FYN: variants seen among roughly 807,000 people sequenced by gnomAD.
The protein encoded by FYN is FYN proto-oncogene, Src family tyrosine kinase.
Under a neutral mutation model 70.2 loss-of-function variants are expected in FYN, and 10 were observed. The ratio of observed to expected loss-of-function variants is 0.14; its 90% CI spans 0.09 to 0.24. The LOEUF (loss-of-function observed/expected upper bound fraction) is 0.24. FYN is among the 10% of genes least tolerant of loss of function. FYN has a pLI of 1.00. For missense variants in FYN, 319 were observed against 673.1 expected, an observed-to-expected ratio of 0.47 and a Z score of 5.82; for synonymous variants, 236 against 248.6, an observed-to-expected ratio of 0.95 and a Z score of 0.48.
intron 4 of FYN, among the ~76,000 whole-genome samples, chr6:111,716,880 G>A (rs968621765): frequency 6.6e-6 from 1 of 151,654 alleles, no homozygotes; most frequent in African/African-American, 2.4e-5. Context: ...CGCCTCCCGG[G>A]TTCAAGTGAT....
chr6:111,745,404 C>T (rs1802162517), intron 3 of FYN, among the ~76,000 whole-genome samples: 2 of 152,154 alleles, frequency 1.3e-5, no homozygotes, highest in African/African-American at 4.8e-5. Flanking sequence ...GGATGGGCAT[C>T]TGAGTGGGGC....
At chr6:111,806,979 T>C (rs898666754) in intron 2 of FYN, among the ~76,000 whole-genome samples, 2 of 152,150 alleles carry the variant, frequency 1.3e-5, no homozygotes, top group African/African-American at 4.8e-5. Flanking sequence ...CCAGCGCTGA[T>C]TGTCCTCCAC....
intron 3 of FYN, among the ~76,000 whole-genome samples, chr6:111,771,329 C>T (rs1269767694): frequency 6.6e-6 from 1 of 152,140 alleles, no homozygotes; most frequent in African/African-American, 2.4e-5. Flanking sequence ...TTCAAAACAG[C>T]AAAATCCTAC....
At chr6:111,814,818 C>G (rs1284428489) in intron 2 of FYN, among the ~76,000 whole-genome samples, 1 of 152,130 alleles carries the variant, frequency 6.6e-6, no homozygotes, top group Non-Finnish European at 1.5e-5. Context: ...AAGTTCTACT[C>G]TATATGGGGC....
rs532254697 is a variant in FYN at position 111,746,036 on chromosome 6, T to C, written c.-11-25974A>G. Among the ~76,000 whole-genome samples the C allele has an allele frequency of 1.7e-4, 26 of 152,342 alleles. 1 individual carries two copies. In the South Asian group the frequency reaches 4.8e-3, roughly 28 times the overall value. On this transcript the variant is annotated intron_variant, in intron 3 of 13. Transcript: ENST00000354650. ...AGAGTCTGAAAGGAACCCACGTACC[T>C]GGTACAAAAAGATGGTGATAGTGAT...
chr6:111,746,549 A>G (rs1802229416), intron 3 of FYN, among the ~76,000 whole-genome samples: 1 of 152,212 alleles, frequency 6.6e-6, no homozygotes, highest in South Asian at 2.1e-4. Context: ...CCATTATAGT[A>G]GCTTTTATTG....
rs1300594936 is a variant in FYN at position 111,872,977 on chromosome 6, G to A, written c.-132C>T. ...CCCGCCGCCTGCTTACCTGCGCGGC[G>A]CTGAGGCTCCGGAGCCCACTCACAT... is the stretch of plus-strand genomic sequence containing the variant. On this transcript the variant is annotated 5_prime_UTR_variant, in exon 1 of 14. Transcript: ENST00000354650. The A allele has an allele frequency of 3.3e-5, 5 of 149,570 alleles. No individual in the cohort carries two copies. The highest frequency in any genetic ancestry group is 2.0e-4 in the Admixed American group (3 of 15,080). 9.3% of individuals were successfully genotyped at this position (149,570 alleles called of 1,614,324 possible).
At chr6:111,861,591 C>T (rs1446712810) in intron 1 of FYN, among the ~76,000 whole-genome samples, 1 of 152,178 alleles carries the variant, frequency 6.6e-6, no homozygotes, top group African/African-American at 2.4e-5. Context: ...AGTTGGCCTA[C>T]ATCCACAGAA....
intron 6 of FYN, among the ~76,000 whole-genome samples, chr6:111,707,633 T>G (rs182321742): frequency 6.1e-4 from 93 of 152,326 alleles, no homozygotes; most frequent in South Asian, 1.4e-3. Context: ...TAGCTAGCAT[T>G]TCATATTTTT....
intron 3 of FYN, among the ~76,000 whole-genome samples, chr6:111,763,604 T>G (rs1245660481): frequency 6.6e-6 from 1 of 152,224 alleles, no homozygotes; most frequent in East Asian, 1.9e-4. Flanking sequence ...TTTCATAATT[T>G]TACACTGAAT....
chr6:111,766,288 T>C (rs1018087392), intron 3 of FYN, among the ~76,000 whole-genome samples: 2 of 152,166 alleles, frequency 1.3e-5, no homozygotes, highest in Non-Finnish European at 2.9e-5. Context: ...GCAAAGTTAA[T>C]GCCCTGCCCT....
intron 12 of FYN, among the ~76,000 whole-genome samples, chr6:111,692,883 G>C (rs1397283961): frequency 1.3e-5 from 2 of 152,126 alleles, no homozygotes; most frequent in Non-Finnish European, 2.9e-5. Flanking sequence ...TTCCTCTCTG[G>C]ACGGCCAGTG....
chr6:111,761,592 C>A (rs1387482070), intron 3 of FYN, among the ~76,000 whole-genome samples: 1 of 152,154 alleles, frequency 6.6e-6, no homozygotes, highest in Non-Finnish European at 1.5e-5. Flanking sequence ...TTTGTGGGGA[C>A]CCTGGAAGAT....
chr6:111,847,973 C>T (rs753774234), intron 1 of FYN, among the ~76,000 whole-genome samples: 10 of 152,206 alleles, frequency 6.6e-5, no homozygotes, highest in Admixed American at 2.6e-4. Flanking sequence ...TCCTGTCCTA[C>T]GGAGAAACCG....
chr6:111,767,838 G>A (rs1803294165), intron 3 of FYN, among the ~76,000 whole-genome samples: 1 of 152,206 alleles, frequency 6.6e-6, no homozygotes, highest in African/African-American at 2.4e-5. Flanking sequence ...GACCTGTGCT[G>A]GGACTAGATA....
intron 2 of FYN, among the ~76,000 whole-genome samples, chr6:111,844,017 G>A (rs1773444586): frequency 6.6e-6 from 1 of 152,152 alleles, no homozygotes; most frequent in Non-Finnish European, 1.5e-5. Context: ...CCAAAGTAAG[G>A]TGGGGTATGG....
At chr6:111,813,838 G>A (rs1346566683) in intron 2 of FYN, 1 of 152,218 alleles carries the variant, frequency 6.6e-6, no homozygotes, top group African/African-American at 2.4e-5. Context: ...TCCTCAAAGA[G>A]ATGTGAGTTG....
chr6:111,771,889 A>G (rs867273339), intron 3 of FYN, among the ~76,000 whole-genome samples: 3 of 151,894 alleles, frequency 2.0e-5, no homozygotes, highest in South Asian at 2.1e-4. Context: ...GGACCTACTC[A>G]GTCAGGCAGG....
At chr6:111,790,515 C>T (rs74713957) in intron 2 of FYN, among the ~76,000 whole-genome samples, 2,327 of 152,280 alleles carry the variant, frequency 0.015, 27 homozygotes, top group Non-Finnish European at 0.023. Context: ...TTCCAGCCCA[C>T]GTGCACGTTC....
Sources: allele counts gnomAD v4.1 joint callset (sites outside exome capture counted in the v4.1 genomes callset), GRCh38; gene constraint gnomAD v4.1.1; transcripts MANE v1.5; gene names NCBI Gene and HGNC (gene_info 2026-07-23, HGNC 2026-07-21).